Variants in FLT1 observed in about 807,000 individuals in gnomAD.
FLT1 encodes the protein vascular endothelial growth factor receptor 1.
In FLT1, 49 loss-of-function variants were observed where a neutral mutation model predicts 156.3. The observed-to-expected ratio is 0.31, with a 90% CI of 0.25 to 0.40. The LOEUF is 0.40. FLT1 is among the 10% of genes least tolerant of loss of function. The probability of loss-of-function intolerance (pLI) is 1.00; values close to 1 mark genes in which losing one functional copy is unlikely to be tolerated. For synonymous variants in FLT1, 594 were observed against 583.8 expected (o/e 1.02, Z -0.25); for missense variants, 1,322 against 1,637.2 (o/e 0.81, Z 3.32).
rs564540288 is a variant in FLT1, at chr13:28,349,669, T to C, written c.2249-4118A>G. On this transcript the variant is annotated intron_variant, in intron 15 of 29. Transcript: ENST00000282397. The stretch of plus-strand genomic sequence containing the variant: ...ATGCACTAAGAGAGGCCCCCTTGAT[T>C]GTGGGAACTTTCCTGCTGCATTCTA... Among the ~76,000 whole-genome samples the C allele has an allele frequency of 5.9e-5, 9 of 152,308 alleles. No homozygotes were observed. The South Asian group carries it at 1.7e-3, about 28-fold the overall frequency.
chr13:28,449,714 G>A (rs538701641), intron 3 of FLT1, among the ~76,000 whole-genome samples: 6 of 152,310 alleles, frequency 3.9e-5, no homozygotes, highest in South Asian at 4.1e-4. Flanking sequence ...ATTTAAAAAT[G>A]TATTATTTGT....
At chr13:28,459,480 G>GA (rs200140900) in intron 3 of FLT1, among the ~76,000 whole-genome samples, 10,178 of 152,240 alleles carry the variant, frequency 0.067, 1,139 homozygotes, top group African/African-American at 0.23. Flanking sequence ...GGTGAGATGA[G>GA]TAAGGGAGGG....
At chr13:28,469,238 A>T (rs1196448555) in intron 1 of FLT1, among the ~76,000 whole-genome samples, 2 of 152,218 alleles carry the variant, frequency 1.3e-5, no homozygotes, top group East Asian at 3.8e-4. Flanking sequence ...AGTTTTCTTT[A>T]AAAAATCAGT....
rs192386423 is a variant in FLT1 at position 28,450,089 on chromosome 13, G to A, written c.389-11744C>T. On this transcript the variant is annotated intron_variant, in intron 3 of 29. Transcript: ENST00000282397. ...TTTATGGAGAAGATATAAGATTGAAGCAAGCAAGAAAGGTGAAATCAGGAC... is the reference window on the plus strand; with the variant it reads ...TTTATGGAGAAGATATAAGATTGAAACAAGCAAGAAAGGTGAAATCAGGAC... 6.4e-3 allele frequency among the ~76,000 whole-genome samples: 970 copies of A among 152,270 alleles called. 12 individuals are homozygous for A. Among genetic ancestry groups the A allele is most frequent in the African/African-American group, 0.021 (880 of 41,540 alleles).
intron 17 of FLT1, among the ~76,000 whole-genome samples, chr13:28,334,664 T>C (rs1405481695): frequency 6.6e-5 from 10 of 152,212 alleles, no homozygotes; most frequent in Non-Finnish European, 1.3e-4. Flanking sequence ...ATTTCCAGTC[T>C]TTCTAATGTG....
intron 10 of FLT1, among the ~76,000 whole-genome samples, chr13:28,423,291 T>A (rs956036561): frequency 2.0e-5 from 3 of 152,190 alleles, no homozygotes; most frequent in Non-Finnish European, 4.4e-5. Flanking sequence ...CATTCCCTCA[T>A]GACACCCTTC....
chr13:28,387,113 T>A lies in FLT1; in HGVS notation c.1970-2082A>T. 4.8e-6 allele frequency: 5 copies of A among 1,036,128 alleles called. No individual in the cohort carries two copies. In the South Asian group the frequency reaches 2.3e-4, roughly 48 times the overall value. 64.2% of individuals were successfully genotyped at this position (1,036,128 alleles called of 1,614,324 possible). On this transcript the variant is annotated intron_variant, in intron 13 of 29. Coordinates refer to ENST00000282397, the MANE Select transcript of FLT1 (RefSeq NM_002019.4). ...ATTTTAACATAAATGTCATTAAGAA[T>A]CCCAAAGGCCTTATTTGTACTACAC... is the stretch of plus-strand genomic sequence containing the variant.
intron 1 of FLT1, among the ~76,000 whole-genome samples, chr13:28,480,345 G>T (rs949257600): frequency 3.9e-5 from 6 of 152,186 alleles, no homozygotes; most frequent in Admixed American, 3.9e-4. Flanking sequence ...TTCCTTTACA[G>T]TGTTTATAGC....
chr13:28,455,294 G>A (rs56728557), intron 3 of FLT1, among the ~76,000 whole-genome samples: 38,502 of 152,036 alleles, frequency 0.25, 6,856 homozygotes, highest in African/African-American at 0.49. Flanking sequence ...TTGGCAAAAG[G>A]ATAGACAAAT....
chr13:28,417,168 C>T (rs1478129916), intron 10 of FLT1, among the ~76,000 whole-genome samples: 3 of 152,228 alleles, frequency 2.0e-5, no homozygotes, highest in African/African-American at 7.2e-5. Context: ...CCTGCCTCAA[C>T]CATTCAGCCT....
chr13:28,356,857 A>C (rs1401545644), intron 15 of FLT1, among the ~76,000 whole-genome samples: 5 of 152,206 alleles, frequency 3.3e-5, no homozygotes, highest in Non-Finnish European at 7.3e-5. Flanking sequence ...TATGTTTTGG[A>C]TGATTCTTAG....
Position 28,301,362 on chromosome 13 carries a change from A to AGGAC in FLT1, c.*1801_*1804dup, listed in dbSNP as rs1870509592. The AGGAC allele has an allele frequency of 4.3e-6, 1 of 233,026 alleles. No homozygotes were observed. The highest frequency in any genetic ancestry group is 2.2e-5 in the African/African-American group (1 of 45,384). The allele number at this position is 233,026 out of a possible 1,614,324, so 14.4% of individuals were successfully genotyped here. On this transcript the variant is annotated 3_prime_UTR_variant, in exon 30 of 30. Coordinates refer to ENST00000282397, the MANE Select transcript of FLT1 (RefSeq NM_002019.4). ...TGTTTGGATTTAGATCTTGGTGGAG[A>AGGAC]GGACTGTCCCACTCCTCTCTTCTGG... is the stretch of plus-strand genomic sequence containing the variant.
intron 1 of FLT1, among the ~76,000 whole-genome samples, chr13:28,473,826 GAAAGA>G (rs1566050923): frequency 9.8e-5 from 12 of 122,942 alleles, no homozygotes; most frequent in South Asian, 4.9e-4. Context: ...AAGAAAGAAA[GAAAGA>G]AAGAAAGGAA....
At chr13:28,345,583 A>T (rs900531092) in intron 15 of FLT1, 32 bp from the exon 16 acceptor site, 6 of 1,288,412 alleles carry the variant, frequency 4.7e-6, no homozygotes, top group Non-Finnish European at 6.7e-6. Context: ...ATAGTGGTGC[A>T]ACAAAGAAAT....
intron 15 of FLT1, among the ~76,000 whole-genome samples, chr13:28,355,332 A>G (rs1196088170): frequency 1.3e-5 from 2 of 152,238 alleles, no homozygotes; most frequent in Non-Finnish European, 2.9e-5. Flanking sequence ...TCACAAGTCC[A>G]GCACAGCGCC....
chr13:28,445,095 T>G (rs193298730), intron 3 of FLT1, among the ~76,000 whole-genome samples: 1 of 152,280 alleles, frequency 6.6e-6, no homozygotes, highest in African/African-American at 2.4e-5. Context: ...AACCAAAAGC[T>G]GGTTCTTTGA....
intron 14 of FLT1, among the ~76,000 whole-genome samples, chr13:28,373,000 C>A (rs1179787123): frequency 1.3e-5 from 2 of 152,084 alleles, no homozygotes; most frequent in Admixed American, 6.6e-5. Context: ...TATATGAGTT[C>A]AAATACTTAA....
chr13:28,310,036 C>A (rs12870406), intron 27 of FLT1, among the ~76,000 whole-genome samples: 103,823 of 151,370 alleles, frequency 0.69, 38,906 homozygotes, highest in East Asian at 1. Flanking sequence ...ACTACAGGTA[C>A]GTGCCACCAC....
intron 1 of FLT1, among the ~76,000 whole-genome samples, chr13:28,481,437 G>A (rs113069309): frequency 2.0e-4 from 26 of 128,342 alleles, no homozygotes; most frequent in Admixed American, 6.4e-4. Flanking sequence ...AACCTCCTCC[G>A]CTTATACACA....
Sources: allele counts gnomAD v4.1 joint callset (sites outside exome capture counted in the v4.1 genomes callset), GRCh38; gene constraint gnomAD v4.1.1; transcripts MANE v1.5; gene names NCBI Gene and HGNC (gene_info 2026-07-23, HGNC 2026-07-21).